The following ORC1 variants were observed in gnomAD, a reference collection of about 807,000 sequenced individuals.
ORC1 encodes origin recognition complex subunit 1.
ORC1 carries 61 observed loss-of-function variants against 98.9 expected under a neutral mutation model. The observed-to-expected ratio is 0.62, with a 90% CI of 0.50 to 0.76. The LOEUF (loss-of-function observed/expected upper bound fraction) is 0.76, where lower values mean the gene tolerates loss of function less well. Among genes scored for constraint, ORC1 ranks in the 30% least tolerant of loss-of-function variants. The pLI, the probability that ORC1 is intolerant of heterozygous loss-of-function variation, is 0.00. For missense variants in ORC1, 979 were observed against 1,072.2 expected, an observed-to-expected ratio of 0.91 and a Z score of 1.21; for synonymous variants, 385 against 406.9, an observed-to-expected ratio of 0.95 and a Z score of 0.65.
chr1:52,400,360 C>T (rs1244900611), intron 3 of ORC1, among the ~76,000 whole-genome samples: 1 of 152,186 alleles, frequency 6.6e-6, no homozygotes, highest in Non-Finnish European at 1.5e-5. Flanking sequence ...GAGATTTCAC[C>T]ACATTACTCA....
chr1:52,405,597 G>T, upstream of ORC1: 1 of 1,310,664 alleles, frequency 7.6e-7, no homozygotes, highest in South Asian at 1.3e-5. Flanking sequence ...TGTATATTTA[G>T]GAGAACCAAA....
chr1:52,373,931 C>A (rs138992188), intron 16 of ORC1, among the ~76,000 whole-genome samples: 120 of 152,250 alleles, frequency 7.9e-4, no homozygotes, highest in African/African-American at 2.6e-3. Context: ...AGATTCCTAC[C>A]CTAACGTTCT....
At chr1:52,384,137 G>A (rs1647110140) in intron 11 of ORC1, among the ~76,000 whole-genome samples, 200 bp from the exon 12 acceptor site, 1 of 152,214 alleles carries the variant, frequency 6.6e-6, no homozygotes, top group South Asian at 2.1e-4. Context: ...ATATGAGTTT[G>A]AAATGCAAAT....
At chr1:52,377,358 T>G (rs930040201) in intron 14 of ORC1, among the ~76,000 whole-genome samples, 1 of 152,160 alleles carries the variant, frequency 6.6e-6, no homozygotes, top group Non-Finnish European at 1.5e-5. Flanking sequence ...CACTGCAGCC[T>G]CCACCTCCTC....
At chr1:52,390,139 T>G (rs1261780691) in intron 6 of ORC1, among the ~76,000 whole-genome samples, 2 of 152,152 alleles carry the variant, frequency 1.3e-5, no homozygotes, top group African/African-American at 4.8e-5. Context: ...TTCAACATAT[T>G]CAGTGCAATT....
At chr1:52,383,128 G>A (rs1470901337) in intron 13 of ORC1, among the ~76,000 whole-genome samples, 1 of 151,898 alleles carries the variant, frequency 6.6e-6, no homozygotes, top group African/African-American at 2.4e-5. Flanking sequence ...GAGTGCAGTG[G>A]CACGATCTCA....
chr1:52,375,729 A>C (rs1171805778), intron 14 of ORC1, 130 bp from the exon 15 acceptor site: 13 of 801,084 alleles, frequency 1.6e-5, no homozygotes, highest in Non-Finnish European at 2.8e-5. Context: ...TGGAGGAAGA[A>C]TAGAAATGAA....
At position 52,385,162 on chromosome 1, in the gene ORC1, C is replaced by G. The variant is rs1647126216; in HGVS notation, c.1582G>C (p.Gly528Arg). Residue 528 changes from glycine (G) to arginine (R), a missense_variant and splice_region_variant, in exon 10 of 17, where the codon GGG becomes CGG. Gly to Arg is a moderately radical substitution (Grantham distance 125). Transcript: ENST00000371568. ...CCCTGCCTGCCTCACATGACTCACCCTCCGGTATGGTCAAGGAGTTTGCTT... is the reference window on the plus strand; with the variant it reads ...CCCTGCCTGCCTCACATGACTCACCGTCCGGTATGGTCAAGGAGTTTGCTT... ...VESKLLDHTGGCMYISGVPGT... is the reference protein window; with the variant it reads ...VESKLLDHTGRCMYISGVPGT... The G allele has an allele frequency of 6.2e-7, 1 of 1,604,944 alleles. No individual in the cohort carries two copies. Among genetic ancestry groups the G allele is most frequent in the South Asian group, 1.1e-5 (1 of 90,882 alleles).
Position 52,373,200 on chromosome 1 carries a change from T to A in ORC1, c.2567A>T (p.Tyr856Phe). 6.2e-7 allele frequency: 1 copy of A among 1,614,154 alleles called. No homozygotes were observed. Among genetic ancestry groups the A allele is most frequent in the East Asian group, 2.2e-5 (1 of 44,882 alleles). ...GCCCCTTTACTCGTCTTTCAGCGCATACAGCACATCATCCTGGCTGACGTT... is the reference window on the plus strand; with the variant it reads ...GCCCCTTTACTCGTCTTTCAGCGCAAACAGCACATCATCCTGGCTGACGTT... Reference protein sequence around the residue: ...RLNVSQDDVLYALKDE With the variant: ...RLNVSQDDVLFALKDE The change falls in exon 17 of 17, where the codon TAT becomes TTT. Residue 856 changes from tyrosine (Y) to phenylalanine (F), a missense_variant. Transcript: ENST00000371568.
Position 52,385,951 on chromosome 1 carries a change from T to C in ORC1, c.1384-2A>G. 1 of 1,611,630 alleles carries C rather than the reference T, an allele frequency of 6.2e-7. No homozygotes were observed. Among genetic ancestry groups the C allele is most frequent in the Non-Finnish European group, 8.5e-7 (1 of 1,178,448 alleles). On this transcript the variant is annotated splice_acceptor_variant, in intron 8 of 16. Transcript: ENST00000371568. LOFTEE classifies it high-confidence loss of function. ...ACAACGTGGCGTTCTAGGCTTGAGCTGTATTGAAAACAAAGAACATATTTC... is the reference window on the plus strand; with the variant it reads ...ACAACGTGGCGTTCTAGGCTTGAGCCGTATTGAAAACAAAGAACATATTTC...
At chr1:52,396,457 C>G in intron 4 of ORC1, 93 bp from the exon 5 acceptor site, 1 of 1,486,992 alleles carries the variant, frequency 6.7e-7, no homozygotes, top group Non-Finnish European at 9.3e-7. Context: ...ACATTGAAGT[C>G]CACATCTGTA....
upstream of ORC1, among the ~76,000 whole-genome samples, chr1:52,406,239 C>A (rs766890883): frequency 5.1e-4 from 78 of 152,034 alleles, no homozygotes; most frequent in Non-Finnish European, 2.9e-4. Flanking sequence ...TCCCCTCCCC[C>A]CCCGGGCCTC....
chr1:52,392,294 TA>T (rs1400732710), intron 6 of ORC1, among the ~76,000 whole-genome samples: 3 of 152,096 alleles, frequency 2.0e-5, no homozygotes, highest in Non-Finnish European at 4.4e-5. Flanking sequence ...CAAGCCCGGC[TA>T]ATTTTTTATG....
At chr1:52,375,645 G>C in intron 14 of ORC1, 46 bp from the exon 15 acceptor site, 5 of 1,586,554 alleles carry the variant, frequency 3.2e-6, no homozygotes, top group Non-Finnish European at 4.3e-6. Context: ...TAGCCCAGAA[G>C]AACCAAGAGA....
At chr1:52,392,528 C>T (rs545777315) in intron 6 of ORC1, among the ~76,000 whole-genome samples, 1 of 152,172 alleles carries the variant, frequency 6.6e-6, no homozygotes, top group Admixed American at 6.5e-5. Flanking sequence ...AGTAGATCCA[C>T]CATTTGATTC....
chr1:52,408,847 T>C, upstream of ORC1: 1 of 864,986 alleles, frequency 1.2e-6, no homozygotes, highest in Non-Finnish European at 1.7e-6. Flanking sequence ...TCATGGGAGT[T>C]TTCAGTCTGA....
At chr1:52,380,547 T>C (rs6691666) in intron 14 of ORC1, among the ~76,000 whole-genome samples, 1 of 151,972 alleles carries the variant, frequency 6.6e-6, no homozygotes, top group Admixed American at 6.6e-5. Context: ...ATACAAAAAT[T>C]AGCTGGGCAT....
intron 14 of ORC1, among the ~76,000 whole-genome samples, chr1:52,376,208 C>A (rs1042739609): frequency 6.6e-6 from 1 of 152,050 alleles, no homozygotes; most frequent in African/African-American, 2.4e-5. Context: ...CCCATCTCTA[C>A]TAAAAACACA....
chr1:52,379,381 A>C (rs1011221304), intron 14 of ORC1, among the ~76,000 whole-genome samples: 2 of 151,150 alleles, frequency 1.3e-5, no homozygotes, highest in African/African-American at 4.9e-5. Flanking sequence ...GTAGCTGGGA[A>C]TACAGGCTCG....
Sources: allele counts gnomAD v4.1 joint callset (sites outside exome capture counted in the v4.1 genomes callset), GRCh38; gene constraint gnomAD v4.1.1; transcripts MANE v1.5; gene names NCBI Gene and HGNC (gene_info 2026-07-23, HGNC 2026-07-21).